Variants in KCNAB1 observed in about 807,000 individuals in gnomAD.
KCNAB1 encodes potassium voltage-gated channel subfamily A regulatory beta subunit 1, also known as voltage-gated potassium channel subunit beta-1.
In KCNAB1, 35 loss-of-function variants were observed where a neutral mutation model predicts 64.6. That is an observed-to-expected ratio of 0.54 (90% CI 0.41 to 0.72). The LOEUF is 0.72. KCNAB1 is among the 30% of genes least tolerant of loss of function. The pLI is 0.00. For missense variants in KCNAB1, 401 were observed against 512.9 expected, an observed-to-expected ratio of 0.78 and a Z score of 2.11; for synonymous variants, 177 against 183.8, an observed-to-expected ratio of 0.96 and a Z score of 0.30.
At chr3:156,492,971 C>G (rs1053783739) in intron 8 of KCNAB1, among the ~76,000 whole-genome samples, 9 of 152,126 alleles carry the variant, frequency 5.9e-5, no homozygotes, top group African/African-American at 1.9e-4. Context: ...TGAGCATTGA[C>G]TCTTTAAATA....
chr3:156,370,737 G>T (rs1726249463), intron 1 of KCNAB1, among the ~76,000 whole-genome samples: 1 of 152,184 alleles, frequency 6.6e-6, no homozygotes, highest in Non-Finnish European at 1.5e-5. Flanking sequence ...ACTCAATAGG[G>T]AAGGCACAGG....
rs545738497 is a variant in KCNAB1 at position 156,266,010 on chromosome 3, CAAAA to C, written c.275+145129_275+145132del. 2.6e-4 allele frequency among the ~76,000 whole-genome samples: 40 copies of C among 151,700 alleles called. No homozygotes were observed. In the South Asian group the frequency reaches 7.9e-3, roughly 30 times the overall value. On this transcript the variant is annotated intron_variant, in intron 1 of 13. Transcript: ENST00000490337. ...TGTCTCAAAAGACAAAAACAAAAAA[CAAAA>C]AAAACTGTGAATATAAATAATATCC... is the stretch of plus-strand genomic sequence containing the variant.
intron 1 of KCNAB1, among the ~76,000 whole-genome samples, chr3:156,256,951 C>G (rs1256175675): frequency 6.6e-6 from 1 of 152,208 alleles, no homozygotes; most frequent in African/African-American, 2.4e-5. Context: ...CCACAGAGCT[C>G]TCTATGTGTC....
At chr3:156,191,738 C>T (rs189990222) in intron 1 of KCNAB1, among the ~76,000 whole-genome samples, 2 of 152,262 alleles carry the variant, frequency 1.3e-5, no homozygotes, top group African/African-American at 4.8e-5. Flanking sequence ...GAGCTGCCAG[C>T]TACTGATGAC....
chr3:156,426,228 C>G (rs1417276514), intron 2 of KCNAB1, among the ~76,000 whole-genome samples: 9 of 152,164 alleles, frequency 5.9e-5, no homozygotes, highest in African/African-American at 2.2e-4. Flanking sequence ...GGCTCCATCT[C>G]TCTCCACTCT....
chr3:156,255,566 G>A (rs1176604257), intron 1 of KCNAB1, among the ~76,000 whole-genome samples: 1 of 151,954 alleles, frequency 6.6e-6, no homozygotes, highest in Non-Finnish European at 1.5e-5. Flanking sequence ...CCACTCCCTC[G>A]GAATGCCCCA....
At chr3:156,229,008 G>A (rs1267146342) in intron 1 of KCNAB1, among the ~76,000 whole-genome samples, 1 of 152,154 alleles carries the variant, frequency 6.6e-6, no homozygotes, top group East Asian at 1.9e-4. Flanking sequence ...ATACCCCAGA[G>A]GCATCATTCC....
chr3:156,539,064 C>T (rs943699401), downstream of KCNAB1: 4 of 152,150 alleles, frequency 2.6e-5, no homozygotes, highest in African/African-American at 4.8e-5. Flanking sequence ...AAAAATTCCA[C>T]GCACTCTTAT....
In KCNAB1 at chr3:156,508,948, A is replaced by C. The variant is rs1717001860; in HGVS notation, c.659-5416A>C. The stretch of plus-strand genomic sequence containing the variant: ...TTCAATAGTTTAGTCAGTTTTTCTA[A>C]AAGTTTGTGATTGAGAGCTAATGAA... On this transcript the variant is annotated intron_variant, in intron 8 of 13. Transcript: ENST00000490337. The surrounding 1 kb of genome is among the most constrained non-coding windows in gnomAD (Gnocchi z 4.1). Among the ~76,000 whole-genome samples, 1 of 152,168 alleles carries C rather than the reference A, an allele frequency of 6.6e-6. No homozygotes were observed. Among genetic ancestry groups the C allele is most frequent in the Non-Finnish European group, 1.5e-5 (1 of 68,034 alleles).
At chr3:156,359,570 A>G (rs1414508684) in intron 1 of KCNAB1, among the ~76,000 whole-genome samples, 1 of 152,242 alleles carries the variant, frequency 6.6e-6, no homozygotes, top group Admixed American at 6.5e-5. Context: ...ACCAGCATCC[A>G]GGAGATCAAA....
intron 1 of KCNAB1, among the ~76,000 whole-genome samples, chr3:156,320,457 C>T (rs1722582720): frequency 6.6e-6 from 1 of 152,160 alleles, no homozygotes; most frequent in Non-Finnish European, 1.5e-5. Flanking sequence ...AGGACAGCTT[C>T]CTTGGAATTG....
intron 1 of KCNAB1, among the ~76,000 whole-genome samples, chr3:156,362,712 T>C (rs576792253): frequency 1.6e-4 from 25 of 152,280 alleles, no homozygotes; most frequent in African/African-American, 5.8e-4. Context: ...TTTATTATTA[T>C]TGAGTGAAAA....
At chr3:156,474,413 A>G (rs568622873) in intron 7 of KCNAB1, among the ~76,000 whole-genome samples, 5 of 152,346 alleles carry the variant, frequency 3.3e-5, no homozygotes, top group African/African-American at 1.2e-4. Flanking sequence ...ACTGTTGGAA[A>G]GAAGCTGCTT....
intron 1 of KCNAB1, among the ~76,000 whole-genome samples, chr3:156,127,857 C>T (rs1713745019): frequency 6.6e-6 from 1 of 150,834 alleles, no homozygotes; most frequent in Non-Finnish European, 1.5e-5. Flanking sequence ...GAGCCAGTTT[C>T]TCAGTTTTAG....
chr3:156,182,695 A>ATTTTTTTTTTTTTTTTT (rs10624040), intron 1 of KCNAB1, among the ~76,000 whole-genome samples: 157 of 132,690 alleles, frequency 1.2e-3, no homozygotes, highest in Non-Finnish European at 2.1e-3. Flanking sequence ...AAGTAAGACA[A>ATTTTTTTTTTTTTTTTT]TTTTTTTTTT....
chr3:156,268,221 G>T (rs575396568), intron 1 of KCNAB1, among the ~76,000 whole-genome samples: 1 of 151,918 alleles, frequency 6.6e-6, no homozygotes, highest in African/African-American at 2.4e-5. Flanking sequence ...TTTTATGGCC[G>T]AATAAAATTC....
chr3:156,321,964 C>T (rs901217393), intron 1 of KCNAB1, among the ~76,000 whole-genome samples: 2 of 152,184 alleles, frequency 1.3e-5, no homozygotes, highest in Non-Finnish European at 1.5e-5. Context: ...AGGAAGGCTC[C>T]ACACTAGAAG....
intron 1 of KCNAB1, among the ~76,000 whole-genome samples, chr3:156,275,569 C>G (rs1719290015): frequency 6.6e-6 from 1 of 152,124 alleles, no homozygotes; most frequent in African/African-American, 2.4e-5. Flanking sequence ...GGAGTCAATC[C>G]TCTCAAACTC....
chr3:156,382,571 GGTTGGTGCCATTTACC>G (rs1330838558), intron 1 of KCNAB1, among the ~76,000 whole-genome samples: 1 of 152,122 alleles, frequency 6.6e-6, no homozygotes, highest in Non-Finnish European at 1.5e-5. Context: ...TTGTGATACT[GGTTGGTGCCATTTACC>G]GACTATTTTT....
Sources: allele counts gnomAD v4.1 joint callset (sites outside exome capture counted in the v4.1 genomes callset), GRCh38; gene constraint gnomAD v4.1.1; non-coding constraint Gnocchi (gnomAD v3.1); transcripts MANE v1.5; gene names NCBI Gene and HGNC (gene_info 2026-07-23, HGNC 2026-07-21).